The following SLC14A2 variants were observed in gnomAD, a reference collection of about 807,000 sequenced individuals.
The protein encoded by SLC14A2 is urea transporter 2.
SLC14A2 carries 91 observed loss-of-function variants against 104.6 expected under a neutral mutation model. The observed-to-expected ratio is 0.87, with a 90% CI of 0.73 to 1.04. SLC14A2 has a LOEUF of 1.04. Among genes scored for constraint, SLC14A2 ranks in the 50% least tolerant of loss-of-function variants. The pLI, the probability that SLC14A2 is intolerant of heterozygous loss-of-function variation, is 0.00. For synonymous variants in SLC14A2, 476 were observed against 466.4 expected (o/e 1.02, Z -0.27); for missense variants, 1,189 against 1,156.0 (o/e 1.03, Z -0.41).
At chr18:45,375,068 C>T (rs1038864921) in intron 1 of SLC14A2, among the ~76,000 whole-genome samples, 1 of 152,214 alleles carries the variant, frequency 6.6e-6, no homozygotes, top group Admixed American at 6.5e-5. Flanking sequence ...TAACCAACTC[C>T]ATCTTGCTTC....
chr18:45,236,882 AG>A (rs2084260194), intron 1 of SLC14A2, among the ~76,000 whole-genome samples: 1 of 152,154 alleles, frequency 6.6e-6, no homozygotes, highest in Non-Finnish European at 1.5e-5. Flanking sequence ...AGCTTAGCAG[AG>A]TCAACCAATG....
chr18:45,459,124 A>C (rs1379417735), intron 1 of SLC14A2, among the ~76,000 whole-genome samples: 1 of 151,534 alleles, frequency 6.6e-6, no homozygotes, highest in African/African-American at 2.4e-5. Flanking sequence ...TAGAATCCAA[A>C]CTCTCCCCAG....
chr18:45,360,017 G>A (rs1248146799), intron 1 of SLC14A2, among the ~76,000 whole-genome samples: 2 of 152,180 alleles, frequency 1.3e-5, no homozygotes, highest in Non-Finnish European at 2.9e-5. Flanking sequence ...CCCAGGCCCT[G>A]CACTCCTGTC....
At chr18:45,523,661 A>T (rs1264619601) in intron 2 of SLC14A2, among the ~76,000 whole-genome samples, 1 of 151,924 alleles carries the variant, frequency 6.6e-6, no homozygotes, top group Non-Finnish European at 1.5e-5. Context: ...TAACCCCACG[A>T]AATCTCCCCT....
chr18:45,394,438 C>T (rs1388294347), intron 1 of SLC14A2, among the ~76,000 whole-genome samples: 17 of 151,958 alleles, frequency 1.1e-4, no homozygotes, highest in Non-Finnish European at 1.5e-5. Flanking sequence ...AAATTTGTAG[C>T]TTTCTTTGAA....
In SLC14A2 at chr18:45,682,393, C is replaced by A. The variant is rs147824419; in HGVS notation, c.2637C>A (p.Pro879=). ...LTFLLLTTNN[P]AIYKLPLSKV... The stretch of plus-strand genomic sequence containing the variant: ...TCCTGCTCCTGACGACCAATAACCC[C>A]GCCATCTACAAGCTCCCGCTCAGCA... Residue 879 remains proline, a synonymous_variant, in exon 20 of 20, where the codon CCC becomes CCA. Transcript: ENST00000255226. 6.2e-7 allele frequency: 1 copy of A among 1,614,170 alleles called. No homozygotes were observed. The highest frequency in any genetic ancestry group is 8.5e-7 in the Non-Finnish European group (1 of 1,180,016).
At chr18:45,668,125 C>T in intron 14 of SLC14A2, 103 bp downstream of exon 14, 2 of 1,224,496 alleles carry the variant, frequency 1.6e-6, no homozygotes, top group Non-Finnish European at 2.3e-6. Flanking sequence ...AATAAGGACA[C>T]TGACAACTAA....
chr18:45,654,145 A>G (rs56375649), intron 10 of SLC14A2, among the ~76,000 whole-genome samples: 121,389 of 150,736 alleles, frequency 0.81, 49,425 homozygotes, highest in Middle Eastern at 0.84. Flanking sequence ...GCTGGGGGGG[A>G]CGTGGGTGAG....
the SLC14A2 span, among the ~76,000 whole-genome samples, chr18:45,200,035 C>T: frequency 2.5e-4 from 38 of 152,142 alleles, no homozygotes; most frequent in Non-Finnish European, 4.4e-4. Flanking sequence ...GGCCATGGGG[C>T]TTTAACCTCT....
chr18:45,607,300 T>G (rs973836355), intron 2 of SLC14A2, among the ~76,000 whole-genome samples: 1 of 152,200 alleles, frequency 6.6e-6, no homozygotes. Context: ...ACTAACTTCC[T>G]GCAAAACTGT....
At chr18:45,604,661 A>T (rs1178173409) in intron 2 of SLC14A2, among the ~76,000 whole-genome samples, 2 of 152,168 alleles carry the variant, frequency 1.3e-5, no homozygotes, top group Non-Finnish European at 2.9e-5. Context: ...TTAGAAAAAT[A>T]TTTTTGGGCA....
chr18:45,386,236 T>C (rs1377711789), intron 1 of SLC14A2, among the ~76,000 whole-genome samples: 1 of 152,186 alleles, frequency 6.6e-6, no homozygotes, highest in Non-Finnish European at 1.5e-5. Context: ...ACCTGGAATC[T>C]ACTTCTGGCT....
At chr18:45,679,287 A>G (rs1398356198) in intron 19 of SLC14A2, among the ~76,000 whole-genome samples, 2 of 152,220 alleles carry the variant, frequency 1.3e-5, no homozygotes, top group Non-Finnish European at 2.9e-5. Context: ...ATTATCTTGT[A>G]AATCAAATTC....
chr18:45,364,782 C>T (rs1320403729), intron 1 of SLC14A2, among the ~76,000 whole-genome samples: 1 of 152,100 alleles, frequency 6.6e-6, no homozygotes, highest in Non-Finnish European at 1.5e-5. Context: ...AATATTGTCT[C>T]GAGTTTTTTC....
chr18:45,341,349 A>G (rs2085391687), intron 1 of SLC14A2, among the ~76,000 whole-genome samples: 1 of 152,204 alleles, frequency 6.6e-6, no homozygotes, highest in South Asian at 2.1e-4. Context: ...TGCTCACTAA[A>G]ATGTATTGGT....
chr18:45,552,143 C>A (rs2044064789), intron 2 of SLC14A2, among the ~76,000 whole-genome samples: 2 of 152,132 alleles, frequency 1.3e-5, no homozygotes, highest in Non-Finnish European at 2.9e-5. Flanking sequence ...ATTAGCCCAC[C>A]CTTCCTTGGC....
intron 10 of SLC14A2, chr18:45,647,102 C>G (rs895708597): frequency 3.3e-5 from 5 of 152,230 alleles, no homozygotes; most frequent in Non-Finnish European, 7.3e-5. Context: ...CCATCTTTAT[C>G]TCCTCTCATA....
chr18:45,658,847 G>A (rs2045886530), intron 10 of SLC14A2, among the ~76,000 whole-genome samples: 1 of 151,968 alleles, frequency 6.6e-6, no homozygotes, highest in Non-Finnish European at 1.5e-5. Flanking sequence ...AGTCCTTCAG[G>A]ATCACTACTC....
intron 2 of SLC14A2, among the ~76,000 whole-genome samples, chr18:45,514,295 GGAGA>G (rs2043407397): frequency 1.3e-5 from 2 of 152,108 alleles, no homozygotes; most frequent in South Asian, 4.1e-4. Context: ...ATGACTGACG[GGAGA>G]GAGATAGCAT....
Sources: gnomAD v4.1 joint callset for allele counts (sites outside exome capture counted in the v4.1 genomes callset) on GRCh38, gnomAD v4.1.1 for gene constraint, MANE v1.5 for transcripts, NCBI Gene and HGNC (gene_info 2026-07-23, HGNC 2026-07-21) for gene names.